The following RSU1 variants were observed in gnomAD, a reference collection of about 807,000 sequenced individuals.
RSU1 encodes the protein rsu-1.
A neutral mutation model predicts 31.1 loss-of-function variants in RSU1; 26 were observed. That is an observed-to-expected ratio of 0.84 (90% CI 0.61 to 1.16). RSU1 has a LOEUF of 1.16. Among genes scored for constraint, RSU1 ranks in the 50% most tolerant of loss-of-function variants. RSU1 has a pLI of 0.00. For synonymous variants in RSU1, 164 were observed against 136.3 expected (o/e 1.20, Z -1.41); for missense variants, 320 against 339.1 (o/e 0.94, Z 0.44).
intron 4 of RSU1, among the ~76,000 whole-genome samples, chr10:16,763,003 A>AAAAAAC (rs1375886554): frequency 2.6e-5 from 4 of 152,030 alleles, no homozygotes; most frequent in Admixed American, 1.3e-4. Context: ...CTCAAAAAAA[A>AAAAAAC]AAAAACAAAA....
chr10:16,613,357 C>T (rs980525375), intron 8 of RSU1, among the ~76,000 whole-genome samples: 12 of 152,208 alleles, frequency 7.9e-5, no homozygotes, highest in Non-Finnish European at 1.2e-4. Context: ...CTTCCTGCCA[C>T]GCCTCAGTGG....
At chr10:16,656,226 T>C (rs954344554) in intron 8 of RSU1, among the ~76,000 whole-genome samples, 2 of 151,272 alleles carry the variant, frequency 1.3e-5, no homozygotes, top group Non-Finnish European at 2.9e-5. Context: ...CCTTCAAAGC[T>C]TTTTTTTTGT....
chr10:16,627,639 C>T (rs1460390528), intron 8 of RSU1, among the ~76,000 whole-genome samples: 1 of 151,976 alleles, frequency 6.6e-6, no homozygotes. Flanking sequence ...TGCCTGTAAT[C>T]CCAGCTACTC....
At chr10:16,652,240 G>A (rs570522295) in intron 8 of RSU1, among the ~76,000 whole-genome samples, 44 of 151,944 alleles carry the variant, frequency 2.9e-4, no homozygotes, top group Admixed American at 2.3e-3. Context: ...AAAACAAAAC[G>A]AAAAACTGGA....
intron 8 of RSU1, among the ~76,000 whole-genome samples, chr10:16,691,956 C>A (rs1419748351): frequency 6.6e-6 from 1 of 152,046 alleles, no homozygotes; most frequent in African/African-American, 2.4e-5. Flanking sequence ...AAAGGCTGGT[C>A]TTGAACTCCT....
chr10:16,674,831 G>A (rs912521769), intron 8 of RSU1, among the ~76,000 whole-genome samples: 29 of 152,058 alleles, frequency 1.9e-4, no homozygotes, highest in African/African-American at 6.0e-4. Flanking sequence ...TCAGGAGTTC[G>A]AGACCAGCCT....
intron 8 of RSU1, among the ~76,000 whole-genome samples, chr10:16,642,308 A>G (rs917341505): frequency 2.6e-5 from 4 of 152,206 alleles, no homozygotes; most frequent in African/African-American, 9.7e-5. Context: ...AATCCAGAGA[A>G]GCTGTAGAAA....
At chr10:16,801,822 T>G (rs1682987945) in intron 2 of RSU1, among the ~76,000 whole-genome samples, 1 of 152,112 alleles carries the variant, frequency 6.6e-6, no homozygotes, top group African/African-American at 2.4e-5. Context: ...AAAAATATTT[T>G]AATTAAATGA....
chr10:16,633,690 C>G (rs1253404244), intron 8 of RSU1, among the ~76,000 whole-genome samples: 3 of 152,166 alleles, frequency 2.0e-5, no homozygotes, highest in African/African-American at 7.2e-5. Flanking sequence ...AAGGACTCCA[C>G]CCAGGTCAAG....
At chr10:16,733,882 C>T (rs2131603075) in intron 7 of RSU1, among the ~76,000 whole-genome samples, 1 of 152,302 alleles carries the variant, frequency 6.6e-6, no homozygotes, top group South Asian at 2.1e-4. Context: ...TTTCTGCATT[C>T]TCTTATAGCA....
chr10:16,768,262 A>G (rs1336582400), intron 3 of RSU1, among the ~76,000 whole-genome samples: 5 of 152,290 alleles, frequency 3.3e-5, no homozygotes, highest in Non-Finnish European at 5.9e-5. Context: ...GATTATGACC[A>G]TTTCCAAGGT....
chr10:16,718,232 C>G (rs898072659), intron 7 of RSU1, among the ~76,000 whole-genome samples: 13 of 152,078 alleles, frequency 8.5e-5, no homozygotes, highest in African/African-American at 2.7e-4. Context: ...CAAATTCCAG[C>G]TTGCTACTAT....
chr10:16,697,852 C>T (rs1319847649), intron 7 of RSU1, among the ~76,000 whole-genome samples: 1 of 151,942 alleles, frequency 6.6e-6, no homozygotes, highest in East Asian at 1.9e-4. Flanking sequence ...AATTGGTTAT[C>T]CTAATGAGAA....
At chr10:16,603,587 C>A (rs76768547) in intron 8 of RSU1, among the ~76,000 whole-genome samples, 2,011 of 152,298 alleles carry the variant, frequency 0.013, 44 homozygotes, top group African/African-American at 0.045. Flanking sequence ...AATAACTGCA[C>A]CTTGCTTCCC....
chr10:16,783,233 C>T lies in RSU1; in HGVS notation c.110-1149G>A, dbSNP rs112634091. Among the ~76,000 whole-genome samples the T allele has an allele frequency of 3.3e-5, 5 of 151,968 alleles. 1 individual carries two copies. Among genetic ancestry groups the T allele is most frequent in the African/African-American group, 1.2e-4 (5 of 41,450 alleles). ...GCCTCCAATATTATTTCTTTAAGAA[C>T]ATTCTGTTAATGCAGTAGAGGTTTT... On this transcript the variant is annotated intron_variant, in intron 2 of 8. Coordinates refer to ENST00000345264, the MANE Select transcript of RSU1 (RefSeq NM_012425.4).
chr10:16,646,028 A>G (rs1296020209), intron 8 of RSU1, among the ~76,000 whole-genome samples: 2 of 74,026 alleles, frequency 2.7e-5, no homozygotes, highest in Non-Finnish European at 4.9e-5. Context: ...ATGTGTATAT[A>G]TATGTGTATA....
At chr10:16,672,000 C>T (rs1835113918) in intron 8 of RSU1, among the ~76,000 whole-genome samples, 1 of 150,420 alleles carries the variant, frequency 6.6e-6, no homozygotes. Context: ...TTTGCAGTTA[C>T]TTAAAAAGGT....
intron 8 of RSU1, among the ~76,000 whole-genome samples, chr10:16,688,453 C>G (rs1564317515): frequency 6.6e-6 from 1 of 151,872 alleles, no homozygotes; most frequent in Non-Finnish European, 1.5e-5. Context: ...AAAAAAAATA[C>G]AAAAAATCAG....
chr10:16,685,301 AG>A (rs1247617929), intron 8 of RSU1, among the ~76,000 whole-genome samples: 3 of 152,322 alleles, frequency 2.0e-5, no homozygotes, highest in East Asian at 1.9e-4. Flanking sequence ...GTTACAGGAA[AG>A]GGGTCGCGAT....
Sources: gnomAD v4.1 joint callset for allele counts (sites outside exome capture counted in the v4.1 genomes callset) on GRCh38, gnomAD v4.1.1 for gene constraint, MANE v1.5 for transcripts, NCBI Gene and HGNC (gene_info 2026-07-23, HGNC 2026-07-21) for gene names.